The following ATP6V1H variants were observed in gnomAD, a reference collection of about 807,000 sequenced individuals.
ATP6V1H encodes ATPase H+ transporting V1 subunit H.
ATP6V1H carries 39 observed loss-of-function variants against 71.7 expected under a neutral mutation model. The ratio of observed to expected loss-of-function variants is 0.54; its 90% CI spans 0.42 to 0.71. The LOEUF (loss-of-function observed/expected upper bound fraction) is 0.71. Among genes scored for constraint, ATP6V1H ranks in the 30% least tolerant of loss-of-function variants. ATP6V1H has a pLI of 0.00. For missense variants in ATP6V1H, 509 were observed against 594.9 expected, an observed-to-expected ratio of 0.86 and a Z score of 1.50; for synonymous variants, 192 against 199.3, an observed-to-expected ratio of 0.96 and a Z score of 0.31.
At chr8:53,841,446 A>C in intron 2 of ATP6V1H, 132 bp downstream of exon 2, 1 of 1,097,670 alleles carries the variant, frequency 9.1e-7, no homozygotes, top group South Asian at 1.5e-5. Context: ...ACAGCTAATT[A>C]TTCTGAAGAG....
At chr8:53,829,405 A>C in intron 4 of ATP6V1H, 39 bp downstream of exon 4, 2 of 1,404,774 alleles carry the variant, frequency 1.4e-6, no homozygotes, top group Non-Finnish European at 2.0e-6. Flanking sequence ...ATGCAAAAAA[A>C]TGAAGTCACC....
intron 13 of ATP6V1H, among the ~76,000 whole-genome samples, chr8:53,741,691 T>C (rs1563444249): frequency 6.6e-6 from 1 of 152,250 alleles, no homozygotes; most frequent in Non-Finnish European, 1.5e-5. Context: ...TATGTTTTAC[T>C]GACAGACCTG....
chr8:53,786,532 T>C (rs533063098), intron 9 of ATP6V1H, among the ~76,000 whole-genome samples: 1 of 152,298 alleles, frequency 6.6e-6, no homozygotes, highest in East Asian at 1.9e-4. Context: ...CACTGTGCGC[T>C]GCACACACTG....
At chr8:53,766,978 G>A (rs1405248743) in intron 11 of ATP6V1H, among the ~76,000 whole-genome samples, 2 of 151,950 alleles carry the variant, frequency 1.3e-5, no homozygotes, top group Non-Finnish European at 2.9e-5. Context: ...ACACCTATTC[G>A]CACACTCCCT....
intron 11 of ATP6V1H, among the ~76,000 whole-genome samples, chr8:53,767,946 G>A (rs907709606): frequency 6.6e-6 from 1 of 152,130 alleles, no homozygotes; most frequent in Admixed American, 6.5e-5. Context: ...AGACTTGATC[G>A]AAATTTTAAA....
chr8:53,833,315 G>C, intron 2 of ATP6V1H: 3 of 478,574 alleles, frequency 6.3e-6, no homozygotes, highest in South Asian at 2.7e-5. Flanking sequence ...AACAATAATC[G>C]CATTGCCTCT....
At chr8:53,759,284 T>G (rs1020249312) in intron 11 of ATP6V1H, among the ~76,000 whole-genome samples, 10 of 152,246 alleles carry the variant, frequency 6.6e-5, no homozygotes, top group African/African-American at 2.2e-4. Flanking sequence ...AAAACATTTT[T>G]GTATTATTAG....
chr8:53,757,534 A>C lies in ATP6V1H; in HGVS notation c.1176-878T>G, dbSNP rs1049491146. ...AAATAGATGGAAAACTTCTCAATTC[A>C]TTCTAAAAGCAGAGCGTAACTGTGA... On this transcript the variant is annotated intron_variant, in intron 11 of 13. Transcript: ENST00000359530. Among the ~76,000 whole-genome samples, 3 of 152,354 alleles carry C rather than the reference A, an allele frequency of 2.0e-5. No individual in the cohort carries two copies. The East Asian group carries it at 5.8e-4, about 29-fold the overall frequency.
At chr8:53,748,449 A>G (rs1020310440) in intron 12 of ATP6V1H, among the ~76,000 whole-genome samples, 2 of 152,236 alleles carry the variant, frequency 1.3e-5, no homozygotes, top group Admixed American at 1.3e-4. Context: ...TGAAGGGGCC[A>G]GCAAATAACC....
At chr8:53,737,030 T>C (rs983692011) in intron 13 of ATP6V1H, among the ~76,000 whole-genome samples, 1 of 152,228 alleles carries the variant, frequency 6.6e-6, no homozygotes, top group African/African-American at 2.4e-5. Context: ...CCCAGCCACA[T>C]ATCCCTTGCT....
At chr8:53,747,042 T>C (rs1175661475) in intron 12 of ATP6V1H, among the ~76,000 whole-genome samples, 2 of 152,198 alleles carry the variant, frequency 1.3e-5, no homozygotes, top group Non-Finnish European at 2.9e-5. Flanking sequence ...AACCAAAAAA[T>C]GTAATTTGAG....
intron 13 of ATP6V1H, among the ~76,000 whole-genome samples, chr8:53,736,032 C>G (rs904196959): frequency 6.6e-6 from 1 of 152,178 alleles, no homozygotes; most frequent in Non-Finnish European, 1.5e-5. Flanking sequence ...AGTCTACCCA[C>G]GGCCGAAGCT....
At chr8:53,750,231 G>A (rs1338469039) in intron 12 of ATP6V1H, among the ~76,000 whole-genome samples, 7 of 152,088 alleles carry the variant, frequency 4.6e-5, no homozygotes, top group South Asian at 2.1e-4. Flanking sequence ...CCAATCTTAC[G>A]AAAACAAGTA....
At chr8:53,751,363 T>C (rs1295486147) in intron 12 of ATP6V1H, among the ~76,000 whole-genome samples, 2 of 152,210 alleles carry the variant, frequency 1.3e-5, no homozygotes, top group Non-Finnish European at 2.9e-5. Flanking sequence ...GTTACGGCTA[T>C]GTGGATAAAA....
At chr8:53,785,474 T>C (rs1353202736) in intron 9 of ATP6V1H, among the ~76,000 whole-genome samples, 1 of 152,222 alleles carries the variant, frequency 6.6e-6, no homozygotes, top group African/African-American at 2.4e-5. Flanking sequence ...TTCTTTACCA[T>C]TGGTTTGAAC....
At chr8:53,821,554 G>T (rs534325035) in intron 4 of ATP6V1H, among the ~76,000 whole-genome samples, 2 of 151,866 alleles carry the variant, frequency 1.3e-5, no homozygotes, top group Non-Finnish European at 2.9e-5. Context: ...GGCGGCACAC[G>T]CCTGTAATAC....
intron 12 of ATP6V1H, among the ~76,000 whole-genome samples, chr8:53,751,617 A>G (rs1441687703): frequency 1.3e-5 from 2 of 152,142 alleles, no homozygotes; most frequent in African/African-American, 4.8e-5. Context: ...TGTTAGCTTT[A>G]CCAGAATATA....
At chr8:53,805,950 G>A (rs1358226199) in intron 7 of ATP6V1H, among the ~76,000 whole-genome samples, 4 of 152,148 alleles carry the variant, frequency 2.6e-5, no homozygotes, top group Admixed American at 2.6e-4. Context: ...TATGGTAATA[G>A]ATGTCATAAT....
At chr8:53,719,575 G>C (rs1490714688) in intron 13 of ATP6V1H, among the ~76,000 whole-genome samples, 7 of 152,340 alleles carry the variant, frequency 4.6e-5, no homozygotes, top group East Asian at 3.9e-4. Context: ...CCAGGCACAG[G>C]GGGTCCTGCC....
Sources: gnomAD v4.1 joint callset for allele counts (sites outside exome capture counted in the v4.1 genomes callset) on GRCh38, gnomAD v4.1.1 for gene constraint, MANE v1.5 for transcripts, NCBI Gene and HGNC (gene_info 2026-07-23, HGNC 2026-07-21) for gene names.